ADAMTS17: variants seen among roughly 807,000 people sequenced by gnomAD.
The protein encoded by ADAMTS17 is A disintegrin and metalloproteinase with thrombospondin motifs 17.
A neutral mutation model predicts 141.5 loss-of-function variants in ADAMTS17; 113 were observed. The observed-to-expected ratio is 0.80, with a 90% CI of 0.69 to 0.93. The LOEUF (loss-of-function observed/expected upper bound fraction) is 0.93, where lower values mean the gene tolerates loss of function less well. Ranked by LOEUF, ADAMTS17 falls within the 40% of genes least tolerant of loss-of-function variation. ADAMTS17 has a pLI of 0.00. For synonymous variants in ADAMTS17, 768 were observed against 630.6 expected, an observed-to-expected ratio of 1.22 and a Z score of -3.27; for missense variants, 1,659 against 1,517.9, an observed-to-expected ratio of 1.09 and a Z score of -1.54.
intron 3 of ADAMTS17, among the ~76,000 whole-genome samples, chr15:100,292,327 C>T (rs1019485091): frequency 6.6e-6 from 1 of 151,888 alleles, no homozygotes; most frequent in Non-Finnish European, 1.5e-5. Flanking sequence ...AGACACTCAG[C>T]CCGTGTGGAA....
chr15:100,117,899 G>A (rs1023210572), intron 12 of ADAMTS17, among the ~76,000 whole-genome samples: 15 of 152,224 alleles, frequency 9.9e-5, no homozygotes, highest in African/African-American at 3.4e-4. Context: ...AAACAGTTCT[G>A]CTCAATGAAT....
intron 18 of ADAMTS17, among the ~76,000 whole-genome samples, chr15:100,041,034 G>C (rs1380534774): frequency 6.6e-6 from 1 of 152,156 alleles, no homozygotes; most frequent in Non-Finnish European, 1.5e-5. Context: ...ACGTATTCCA[G>C]GCTTCATTCT....
In ADAMTS17 at chr15:100,262,125, G is replaced by T. The variant is rs142595072; in HGVS notation, c.873+227C>A. Among the ~76,000 whole-genome samples the T allele has an allele frequency of 3.2e-3, 494 of 152,256 alleles. 5 individuals are homozygous for T. The highest frequency in any genetic ancestry group is 0.011 in the African/African-American group (438 of 41,552). On this transcript the variant is annotated intron_variant, in intron 5 of 21. Transcript: ENST00000268070. ...CTCCATCCGAGACCCTCCGGGAGAG[G>T]TGGATGTGTGTGGGCTCACTGCTTA...
At chr15:100,059,470 C>T (rs1442340514) in intron 15 of ADAMTS17, among the ~76,000 whole-genome samples, 22 of 152,178 alleles carry the variant, frequency 1.4e-4, no homozygotes, top group Admixed American at 1.4e-3. Context: ...TTACTTCCAA[C>T]CTTTTCACTT....
intron 15 of ADAMTS17, among the ~76,000 whole-genome samples, chr15:100,077,147 C>T (rs567908449): frequency 6.6e-6 from 1 of 151,702 alleles, no homozygotes; most frequent in South Asian, 2.1e-4. Context: ...CTTGGTTTAA[C>T]ATATGGAAAA....
intron 2 of ADAMTS17, 172 bp downstream of exon 2, chr15:100,340,867 G>C (rs751057751): frequency 1.6e-4 from 164 of 1,021,978 alleles, no homozygotes; most frequent in Non-Finnish European, 2.2e-4. Flanking sequence ...TGCCTATAGA[G>C]GGTACCGAAG....
intron 18 of ADAMTS17, among the ~76,000 whole-genome samples, chr15:100,010,154 C>T (rs570887243): frequency 5.5e-4 from 84 of 152,354 alleles, no homozygotes; most frequent in African/African-American, 1.9e-3. Context: ...TCTGCCATAA[C>T]TGTGAGGCCT....
intron 3 of ADAMTS17, among the ~76,000 whole-genome samples, chr15:100,309,439 G>A (rs1181547655): frequency 1.3e-5 from 2 of 152,190 alleles, no homozygotes; most frequent in African/African-American, 4.8e-5. Context: ...CTGCAACCTC[G>A]GGGGTGCCCC....
chr15:100,095,122 G>A lies in ADAMTS17; in HGVS notation c.2137+1234C>T, dbSNP rs114056378. Among the ~76,000 whole-genome samples the A allele has an allele frequency of 6.5e-3, 982 of 152,238 alleles. 7 individuals carry two copies. The highest frequency in any genetic ancestry group is 0.022 in the African/African-American group (929 of 41,536). Reference sequence around the variant, plus strand: ...CTGCTGAACTGGACAGTGTAGCTACGGAGGCCACTTTCCCCCAAACCAACC... The same window carrying A: ...CTGCTGAACTGGACAGTGTAGCTACAGAGGCCACTTTCCCCCAAACCAACC... On this transcript the variant is annotated intron_variant, in intron 15 of 21. Transcript: ENST00000268070.
intron 2 of ADAMTS17, 50 bp downstream of exon 2, chr15:100,340,989 T>C (rs1265758142): frequency 3.7e-6 from 5 of 1,364,362 alleles, no homozygotes; most frequent in Non-Finnish European, 3.9e-6. Flanking sequence ...GCGACCACTC[T>C]GCGTCGCAAC....
chr15:100,121,460 A>G (rs1171744528), intron 12 of ADAMTS17, among the ~76,000 whole-genome samples: 3 of 152,208 alleles, frequency 2.0e-5, no homozygotes, highest in Non-Finnish European at 4.4e-5. Flanking sequence ...GAAGTGACAT[A>G]TCCCATACAA....
chr15:100,175,026 A>C (rs531269869), intron 8 of ADAMTS17, among the ~76,000 whole-genome samples: 25 of 152,222 alleles, frequency 1.6e-4, no homozygotes, highest in Admixed American at 2.6e-4. Context: ...GGAAAAGAAG[A>C]AGCACCCACC....
At chr15:100,207,950 G>A (rs1181330121) in intron 7 of ADAMTS17, among the ~76,000 whole-genome samples, 1 of 152,206 alleles carries the variant, frequency 6.6e-6, no homozygotes, top group Non-Finnish European at 1.5e-5. Flanking sequence ...CAGCCTTGGA[G>A]GGAGGAGTCA....
At chr15:100,212,598 G>A (rs1032247965) in intron 7 of ADAMTS17, among the ~76,000 whole-genome samples, 12 of 151,206 alleles carry the variant, frequency 7.9e-5, no homozygotes, top group African/African-American at 2.7e-4. Context: ...ACATTCCCTA[G>A]GAAAAAAAAA....
chr15:100,271,859 C>G (rs1470838186), intron 4 of ADAMTS17, among the ~76,000 whole-genome samples: 1 of 152,172 alleles, frequency 6.6e-6, no homozygotes, highest in Non-Finnish European at 1.5e-5. Context: ...TTTACCTCTT[C>G]TGTTTAGGAC....
intron 4 of ADAMTS17, among the ~76,000 whole-genome samples, chr15:100,280,373 C>A (rs1190409616): frequency 6.6e-6 from 1 of 152,126 alleles, no homozygotes; most frequent in Non-Finnish European, 1.5e-5. Context: ...CCCAGGCCCT[C>A]CTCCATTCCC....
intron 2 of ADAMTS17, 47 bp downstream of exon 2, chr15:100,340,992 G>A: frequency 1.3e-6 from 2 of 1,507,740 alleles, no homozygotes; most frequent in Non-Finnish European, 1.8e-6. Context: ...ACCACTCTGC[G>A]TCGCAACAGA....
intron 8 of ADAMTS17, among the ~76,000 whole-genome samples, chr15:100,166,550 G>C (rs1042354567): frequency 3.3e-5 from 5 of 152,182 alleles, no homozygotes; most frequent in Non-Finnish European, 7.4e-5. Context: ...TGAGGTTAAG[G>C]AAGGTTTCTT....
At chr15:100,118,665 G>A (rs983517999) in intron 12 of ADAMTS17, among the ~76,000 whole-genome samples, 1 of 152,312 alleles carries the variant, frequency 6.6e-6, no homozygotes, top group Middle Eastern at 3.4e-3. Flanking sequence ...CCTGGGCCAG[G>A]TACCATTGGC....
Sources: gnomAD v4.1 joint callset for allele counts (sites outside exome capture counted in the v4.1 genomes callset) on GRCh38, gnomAD v4.1.1 for gene constraint, MANE v1.5 for transcripts, NCBI Gene and HGNC (gene_info 2026-07-23, HGNC 2026-07-21) for gene names.